Variants in QRICH1 observed in about 807,000 individuals in gnomAD.
QRICH1 encodes the protein transcriptional regulator QRICH1.
QRICH1 carries 16 observed loss-of-function variants against 87.1 expected under a neutral mutation model. The observed-to-expected ratio is 0.18, with a 90% CI of 0.12 to 0.28. QRICH1 has a LOEUF of 0.28. Ranked by LOEUF, QRICH1 falls within the 10% of genes least tolerant of loss-of-function variation. QRICH1 has a pLI of 1.00. For missense variants in QRICH1, 647 were observed against 951.7 expected (o/e 0.68, Z 4.21); for synonymous variants, 367 against 368.4 (o/e 1.00, Z 0.05).
In QRICH1 at chr3:49,056,441, T is replaced by A. The variant is rs574408378; in HGVS notation, c.1338+421A>T. Among the ~76,000 whole-genome samples, 8 of 152,284 alleles carry A rather than the reference T, an allele frequency of 5.3e-5. No homozygotes were observed. The East Asian group carries it at 1.5e-3, about 29-fold the overall frequency. On this transcript the variant is annotated intron_variant, in intron 3 of 9. Transcript: ENST00000395443. Reference sequence around the variant, plus strand: ...AAACAGAATGAACAATCTCACAGCCTCTCCAGTGATGAGTTTGTAATCTAT... The same window carrying A: ...AAACAGAATGAACAATCTCACAGCCACTCCAGTGATGAGTTTGTAATCTAT...
In QRICH1 at chr3:49,057,146, C is replaced by T. The variant is rs1170210013; in HGVS notation, c.1054G>A (p.Val352Ile). The T allele has an allele frequency of 5.6e-6, 9 of 1,614,228 alleles. No individual in the cohort carries two copies. The highest frequency in any genetic ancestry group is 7.6e-6 in the Non-Finnish European group (9 of 1,180,046). The change falls in exon 3 of 10, where the codon GTT becomes ATT. Residue 352 changes from valine to isoleucine, a missense_variant. By Grantham distance (29) the Val-to-Ile change is conservative (BLOSUM62 3). Transcript: ENST00000395443. This position sits in a 1 kb window ranked among gnomAD's most constrained non-coding sequence, Gnocchi z 5.4. ...VSGSPTALAA[V>I]KLEDDKEKMV... ...TTCTCCTTGTCATCCTCCAGCTTAA[C>T]AGCTGCCAGGGCTGTGGGTGAGCCA...
At chr3:49,085,329 G>T (rs1470712216) in intron 1 of QRICH1, among the ~76,000 whole-genome samples, 1 of 150,414 alleles carries the variant, frequency 6.6e-6, no homozygotes. Context: ...CACCAGGTCA[G>T]GAGATCGAGA....
At chr3:49,031,093 T>A (rs1224403118) in intron 9 of QRICH1, among the ~76,000 whole-genome samples, 1 of 151,624 alleles carries the variant, frequency 6.6e-6, no homozygotes, top group Admixed American at 6.6e-5. Flanking sequence ...TTGAAGCGAT[T>A]CTCCTGCCTC....
At chr3:49,071,254 C>T (rs546736773) in intron 2 of QRICH1, among the ~76,000 whole-genome samples, 21 of 152,088 alleles carry the variant, frequency 1.4e-4, no homozygotes, top group Admixed American at 1.2e-3. Flanking sequence ...TTAGTAGAGA[C>T]GGAGTTTCAC....
rs1267494571 is a variant in QRICH1, at chr3:49,044,465, C to T, written c.1711G>A (p.Asp571Asn). 2 of 1,613,104 alleles carry T rather than the reference C, an allele frequency of 1.2e-6. No individual in the cohort carries two copies. Among genetic ancestry groups the T allele is most frequent in the African/African-American group, 1.3e-5 (1 of 74,890 alleles). Reference sequence around the variant, plus strand: ...TCCGTGAACCGAACATAATAAAGATCGGAGAAAATGTCATCTACCCTTCCA... The same window carrying T: ...TCCGTGAACCGAACATAATAAAGATTGGAGAAAATGTCATCTACCCTTCCA... ...ENGRVDDIFSDLYYVRFTEWL... is the reference protein window; with the variant it reads ...ENGRVDDIFSNLYYVRFTEWL... Residue 571 changes from aspartate (D) to asparagine (N), a missense_variant, in exon 6 of 10, where the codon GAT becomes AAT. By Grantham distance (23) the Asp-to-Asn change is conservative. Around this residue, in one of 7 missense-constraint regions of QRICH1, gnomAD observed 187 missense variants for 309.5 expected, o/e 0.60. Coordinates refer to ENST00000395443, the MANE Select transcript of QRICH1 (RefSeq NM_198880.3).
At chr3:49,081,348 T>C (rs575153085) in intron 1 of QRICH1, among the ~76,000 whole-genome samples, 9 of 150,704 alleles carry the variant, frequency 6.0e-5, no homozygotes, top group South Asian at 2.1e-4. Context: ...ACCCAGGAGA[T>C]GGAGGTTGTA....
intron 3 of QRICH1, among the ~76,000 whole-genome samples, chr3:49,048,759 G>T (rs1205126864): frequency 4.2e-5 from 5 of 117,730 alleles, no homozygotes; most frequent in African/African-American, 1.7e-4. Context: ...CTGTACTCCA[G>T]CCTGGGTAAC....
chr3:49,045,779 A>G (rs2093335631), intron 5 of QRICH1, among the ~76,000 whole-genome samples: 1 of 150,546 alleles, frequency 6.6e-6, no homozygotes, highest in Non-Finnish European at 1.5e-5. Context: ...TTTTGTAGAG[A>G]TGGGGTTTCA....
chr3:49,040,036 G>T (rs2093301032), intron 6 of QRICH1, among the ~76,000 whole-genome samples: 1 of 152,212 alleles, frequency 6.6e-6, no homozygotes, highest in Non-Finnish European at 1.5e-5. Context: ...ACTCCAGCCT[G>T]GGCGATAGAG....
At chr3:49,085,876 A>C (rs1395567054) in intron 1 of QRICH1, among the ~76,000 whole-genome samples, 1 of 152,154 alleles carries the variant, frequency 6.6e-6, no homozygotes, top group African/African-American at 2.4e-5. Flanking sequence ...CTTCGTAATA[A>C]AGAGAAATGG....
chr3:49,085,482 AG>A (rs1167368022), intron 1 of QRICH1, among the ~76,000 whole-genome samples: 5 of 152,078 alleles, frequency 3.3e-5, no homozygotes, highest in South Asian at 4.1e-4. Context: ...CTGCCGAACG[AG>A]GTGGCTCATA....
intron 3 of QRICH1, among the ~76,000 whole-genome samples, chr3:49,047,637 AC>A (rs2093346442): frequency 6.6e-6 from 1 of 151,740 alleles, no homozygotes; most frequent in Admixed American, 6.6e-5. Flanking sequence ...GCATGCACCA[AC>A]ACGGCCAGCT....
At chr3:49,048,314 T>C (rs1354224728) in intron 3 of QRICH1, among the ~76,000 whole-genome samples, 1 of 151,502 alleles carries the variant, frequency 6.6e-6, no homozygotes, top group Non-Finnish European at 1.5e-5. Flanking sequence ...GTATTTTTAG[T>C]AGAGATGGGG....
At chr3:49,044,699 T>G (rs1023500421) in intron 5 of QRICH1, among the ~76,000 whole-genome samples, 195 bp from the exon 6 acceptor site, 1 of 151,342 alleles carries the variant, frequency 6.6e-6, no homozygotes, top group Admixed American at 6.6e-5. Flanking sequence ...TTCTTGAGAG[T>G]TGGGTAAATA....
At chr3:49,078,386 C>CTTTTTTTT (rs60933196) in intron 1 of QRICH1, among the ~76,000 whole-genome samples, 1 of 69,848 alleles carries the variant, frequency 1.4e-5, no homozygotes, top group Non-Finnish European at 2.5e-5. Flanking sequence ...ATTATGGTTC[C>CTTTTTTTT]TTTTTTTTTT....
At chr3:49,033,263 T>G in intron 6 of QRICH1, 35 bp from the exon 7 acceptor site, 2 of 1,361,906 alleles carry the variant, frequency 1.5e-6, no homozygotes. Flanking sequence ...AACAAGAGGA[T>G]GGCAGGTGGT....
rs1440517367 is a variant in QRICH1 at position 49,031,189 on chromosome 3, T to C, written c.2139-545A>G. Among the ~76,000 whole-genome samples, 3 of 152,052 alleles carry C rather than the reference T, an allele frequency of 2.0e-5. No homozygotes were observed. The East Asian group carries it at 5.8e-4, about 29-fold the overall frequency. The stretch of plus-strand genomic sequence containing the variant: ...TTTTAGTAGAGATGGGGTTTTTCCA[T>C]GTTGGCCAGGCTGGTCTCGAACTCC... On this transcript the variant is annotated intron_variant, in intron 9 of 9. Coordinates refer to ENST00000395443, the MANE Select transcript of QRICH1 (RefSeq NM_198880.3).
intron 1 of QRICH1, among the ~76,000 whole-genome samples, chr3:49,088,020 C>T (rs1458931986): frequency 3.3e-5 from 5 of 150,604 alleles, no homozygotes; most frequent in African/African-American, 7.3e-5. Context: ...GGCACAATCT[C>T]GGCTCACTGC....
intron 3 of QRICH1, among the ~76,000 whole-genome samples, chr3:49,052,557 GT>G (rs2093377124): frequency 1.3e-5 from 2 of 152,332 alleles, no homozygotes; most frequent in Admixed American, 1.3e-4. Context: ...CCAGGCTGGA[GT>G]GCAGTGGCGC....
Sources: allele counts gnomAD v4.1 joint callset (sites outside exome capture counted in the v4.1 genomes callset), GRCh38; gene constraint gnomAD v4.1.1; regional missense constraint gnomAD v4.1.1; non-coding constraint Gnocchi (gnomAD v3.1); transcripts MANE v1.5; gene names NCBI Gene and HGNC (gene_info 2026-07-23, HGNC 2026-07-21).